The following CHRM5 variants were observed in gnomAD, a reference collection of about 807,000 sequenced individuals.
CHRM5 encodes cholinergic receptor muscarinic 5.
Under a neutral mutation model 39.0 loss-of-function variants are expected in CHRM5, and 18 were observed. That is an observed-to-expected ratio of 0.46 (90% CI 0.32 to 0.68). CHRM5 has a LOEUF of 0.68. Ranked by LOEUF, CHRM5 falls within the 30% of genes least tolerant of loss-of-function variation. CHRM5 has a pLI of 0.04. For missense variants in CHRM5, 515 were observed against 651.1 expected (o/e 0.79, Z 2.28); for synonymous variants, 241 against 246.3 (o/e 0.98, Z 0.20).
chr15:34,031,543 G>A (rs1898825488), intron 1 of CHRM5, among the ~76,000 whole-genome samples: 1 of 152,114 alleles, frequency 6.6e-6, no homozygotes, highest in Admixed American at 6.6e-5. Context: ...AAGAAATATG[G>A]ATCAGACAGA....
chr15:33,988,633 G>C (rs187341413), intron 1 of CHRM5, among the ~76,000 whole-genome samples: 32 of 152,258 alleles, frequency 2.1e-4, no homozygotes, highest in Admixed American at 1.6e-3. Flanking sequence ...ACACACACAC[G>C]TCTTGCCTAT....
intron 1 of CHRM5, among the ~76,000 whole-genome samples, chr15:34,012,316 A>G (rs1177913547): frequency 6.6e-6 from 1 of 152,238 alleles, no homozygotes. Context: ...TAGAAGGCCT[A>G]TAAGTAAAAC....
Position 34,014,386 on chromosome 15 carries a change from AAAAAC to A in CHRM5, c.-407-32149_-407-32145del, listed in dbSNP as rs1392166978. Among the ~76,000 whole-genome samples the A allele has an allele frequency of 2.6e-3, 33 of 12,652 alleles. 4 individuals are homozygous for A. Among genetic ancestry groups the A allele is most frequent in the Non-Finnish European group, 0.016 (19 of 1,202 alleles). 8.3% of individuals were successfully genotyped at this position (12,652 alleles called of 152,430 possible). A position where few individuals can be genotyped will look rare whatever the true frequency, so the allele number is the denominator to read the frequency against. On this transcript the variant is annotated intron_variant, in intron 1 of 2. Transcript: ENST00000383263. ...TCTCATTAAAAAAAAAAAAAAAAAC[AAAAAC>A]AAAAACCACGTTTGAGGATTCTGGG...
At chr15:34,037,162 G>A (rs1899180218) in intron 1 of CHRM5, among the ~76,000 whole-genome samples, 1 of 150,938 alleles carries the variant, frequency 6.6e-6, no homozygotes, top group African/African-American at 2.4e-5. Flanking sequence ...ATTCAACAGA[G>A]ATTAACAAAA....
At chr15:33,993,609 A>C (rs1039890346) in intron 1 of CHRM5, among the ~76,000 whole-genome samples, 7 of 152,200 alleles carry the variant, frequency 4.6e-5, no homozygotes, top group African/African-American at 1.7e-4. Context: ...GAGATCTGTA[A>C]AATAAAAAAT....
At chr15:34,038,991 C>T (rs1227078806) in intron 1 of CHRM5, 2 of 1,116,602 alleles carry the variant, frequency 1.8e-6, no homozygotes, top group Non-Finnish European at 1.1e-6. Flanking sequence ...TCCGCCAGGC[C>T]GGCCGCGGCC....
intron 1 of CHRM5, among the ~76,000 whole-genome samples, chr15:34,043,241 C>A (rs1048784906): frequency 6.7e-6 from 1 of 148,792 alleles, no homozygotes; most frequent in Non-Finnish European, 1.5e-5. Flanking sequence ...AGCAAGAATC[C>A]GTCTCAAAAA....
rs74578864 is a variant in CHRM5 at position 34,033,018 on chromosome 15, A to T, written c.-407-13522A>T. 9.8e-3 allele frequency among the ~76,000 whole-genome samples: 1,486 copies of T among 152,298 alleles called. 35 individuals are homozygous for T. The highest frequency in any genetic ancestry group is 0.034 in the African/African-American group (1,424 of 41,544). On this transcript the variant is annotated intron_variant, in intron 1 of 2. Coordinates refer to ENST00000383263, the MANE Select transcript of CHRM5 (RefSeq NM_012125.4). ...ATGAACTGAGTGACATTGATATGGCAAAACTCCAACATTCCCATCTACCTA... is the reference window on the plus strand; with the variant it reads ...ATGAACTGAGTGACATTGATATGGCTAAACTCCAACATTCCCATCTACCTA...
intron 1 of CHRM5, among the ~76,000 whole-genome samples, chr15:33,988,000 C>T (rs1379894586): frequency 6.6e-6 from 1 of 152,204 alleles, no homozygotes. Flanking sequence ...TGACCAACTT[C>T]CATAGGCCAA....
At position 34,067,336 on chromosome 15, in the gene CHRM5, C is replaced by T. The variant is rs1231677670; in HGVS notation, c.*3020C>T. 6.6e-6 allele frequency: 1 copy of T among 152,186 alleles called. No homozygotes were observed. 9.4% of individuals were successfully genotyped at this position (152,186 alleles called of 1,614,324 possible). On this transcript the variant is annotated 3_prime_UTR_variant, in exon 3 of 3. Transcript: ENST00000383263. ...GTAATTGTGAAATCTGTACCCAAACCTCTGGATTAGAATCTCCAGTTGTCT... is the reference window on the plus strand; with the variant it reads ...GTAATTGTGAAATCTGTACCCAAACTTCTGGATTAGAATCTCCAGTTGTCT...
intron 1 of CHRM5, among the ~76,000 whole-genome samples, chr15:34,022,181 T>C (rs907606563): frequency 3.9e-5 from 6 of 152,200 alleles, no homozygotes; most frequent in Admixed American, 1.3e-4. Context: ...TCCTCAGACA[T>C]CAAATGAATG....
chr15:34,038,579 C>A (rs1449498690), intron 1 of CHRM5, among the ~76,000 whole-genome samples: 1 of 150,988 alleles, frequency 6.6e-6, no homozygotes, highest in East Asian at 2.0e-4. Context: ...CAGGAGGCCA[C>A]GAGGGCCAAG....
chr15:33,978,644 CAG>C (rs1158490540), intron 1 of CHRM5, among the ~76,000 whole-genome samples: 1 of 151,864 alleles, frequency 6.6e-6, no homozygotes, highest in Non-Finnish European at 1.5e-5. Context: ...GCCTGGGTGA[CAG>C]AGTGAGACTC....
At chr15:34,031,881 C>T (rs1226996645) in intron 1 of CHRM5, among the ~76,000 whole-genome samples, 1 of 152,196 alleles carries the variant, frequency 6.6e-6, no homozygotes, top group Non-Finnish European at 1.5e-5. Flanking sequence ...AAATATTCTC[C>T]ATAACCATTA....
chr15:34,063,934 C>T lies in CHRM5; in HGVS notation c.1217C>T (p.Pro406Leu). Residue 406 changes from proline (P) to leucine (L), a missense_variant, in exon 3 of 3, where the codon CCC becomes CTC. Physicochemically the swap from Pro to Leu is moderately conservative, Grantham distance 98 (BLOSUM62 -3). Transcript: ENST00000383263. This position sits in a 1 kb window ranked among gnomAD's most constrained non-coding sequence, Gnocchi z 4.1. Reference sequence around the variant, plus strand: ...CACAAGGTGAAAATCATGCCCTGCCCCTTCCCAGTGGCCAAGGAACCTTCA... The same window carrying T: ...CACAAGGTGAAAATCATGCCCTGCCTCTTCCCAGTGGCCAAGGAACCTTCA... ...GCHKVKIMPC[P>L]FPVAKEPSTK... 6.2e-7 allele frequency: 1 copy of T among 1,614,156 alleles called. No individual in the cohort carries two copies. The highest frequency in any genetic ancestry group is 8.5e-7 in the Non-Finnish European group (1 of 1,180,018).
chr15:33,982,822 C>T (rs998600764), intron 1 of CHRM5, among the ~76,000 whole-genome samples: 2 of 151,902 alleles, frequency 1.3e-5, no homozygotes, highest in African/African-American at 4.8e-5. Context: ...CTGGACCAGC[C>T]CATCTGGACA....
At chr15:34,018,671 G>T (rs1371316786) in intron 1 of CHRM5, among the ~76,000 whole-genome samples, 2 of 152,304 alleles carry the variant, frequency 1.3e-5, no homozygotes, top group East Asian at 3.9e-4. Context: ...AATGGAAAGG[G>T]ACTCCAGTGG....
rs547821343 is a variant in CHRM5, at chr15:34,017,672, G to A, written c.-407-28868G>A. On this transcript the variant is annotated intron_variant, in intron 1 of 2. Transcript: ENST00000383263. ...TTTTTGTATTTTTAGTAGAGACAGG[G>A]TTTCACCATGTTGGCCAGGCAGGTC... Among the ~76,000 whole-genome samples, 9 of 152,034 alleles carry A rather than the reference G, an allele frequency of 5.9e-5. 1 individual carries two copies. The South Asian group carries it at 1.9e-3, about 32-fold the overall frequency.
chr15:34,016,864 C>T (rs1261093637), intron 1 of CHRM5, among the ~76,000 whole-genome samples: 1 of 152,208 alleles, frequency 6.6e-6, no homozygotes, highest in African/African-American at 2.4e-5. Flanking sequence ...TGTGGTGGCA[C>T]ACGCCTGTAA....
Sources: allele counts gnomAD v4.1 joint callset (sites outside exome capture counted in the v4.1 genomes callset), GRCh38; gene constraint gnomAD v4.1.1; non-coding constraint Gnocchi (gnomAD v3.1); transcripts MANE v1.5; gene names NCBI Gene and HGNC (gene_info 2026-07-23, HGNC 2026-07-21).